The following HS3ST4 variants were observed in gnomAD, a reference collection of about 807,000 sequenced individuals.
The protein encoded by HS3ST4 is heparan sulfate-glucosamine 3-sulfotransferase 4, also known as heparan sulfate glucosamine 3-O-sulfotransferase 4.
A neutral mutation model predicts 29.2 loss-of-function variants in HS3ST4; 17 were observed. That is an observed-to-expected ratio of 0.58 (90% confidence interval 0.40 to 0.87). The LOEUF is 0.87. Among genes scored for constraint, HS3ST4 ranks in the 40% least tolerant of loss-of-function variants. The pLI is 0.00. For missense variants in HS3ST4, 627 were observed against 634.5 expected, an observed-to-expected ratio of 0.99 and a Z score of 0.13; for synonymous variants, 314 against 285.7, an observed-to-expected ratio of 1.10 and a Z score of -1.00.
Position 25,827,522 on chromosome 16 carries a change from T to A in HS3ST4, c.734+134371T>A, listed in dbSNP as rs144707141. On this transcript the variant is annotated intron_variant, in intron 1 of 1. Coordinates refer to ENST00000331351, the MANE Select transcript of HS3ST4 (RefSeq NM_006040.3). Reference sequence around the variant, plus strand: ...ATTGTCAATGTAATAAACAGAATAATGCTGTCTTCACAAAAAAAAAAAAAA... The same window carrying A: ...ATTGTCAATGTAATAAACAGAATAAAGCTGTCTTCACAAAAAAAAAAAAAA... Among the ~76,000 whole-genome samples, 229 of 108,918 alleles carry A rather than the reference T, an allele frequency of 2.1e-3. 1 individual carries two copies. The highest frequency in any genetic ancestry group is 7.3e-3 in the African/African-American group (202 of 27,784). The allele number at this position is 108,918 out of a possible 152,430, so 71.5% of individuals were successfully genotyped here. A position where few individuals can be genotyped will look rare whatever the true frequency, so the allele number is the denominator to read the frequency against.
chr16:25,824,144 C>T (rs1225091520), intron 1 of HS3ST4, among the ~76,000 whole-genome samples: 4 of 152,220 alleles, frequency 2.6e-5, no homozygotes, highest in Admixed American at 6.5e-5. Context: ...GAGTCAGGTG[C>T]CCCTGAAGGG....
At chr16:25,840,165 G>C (rs1165088744) in intron 1 of HS3ST4, among the ~76,000 whole-genome samples, 1 of 152,158 alleles carries the variant, frequency 6.6e-6, no homozygotes, top group Non-Finnish European at 1.5e-5. Context: ...GTGCATGATT[G>C]GAGAGTGATA....
chr16:25,854,909 T>C (rs572869920), intron 1 of HS3ST4, among the ~76,000 whole-genome samples: 8 of 152,304 alleles, frequency 5.3e-5, no homozygotes, highest in Admixed American at 5.2e-4. Context: ...GGGCTGTCAG[T>C]TGGCCTGGGG....
intron 1 of HS3ST4, among the ~76,000 whole-genome samples, chr16:25,704,072 T>C (rs1027149280): frequency 6.6e-6 from 1 of 152,232 alleles, no homozygotes; most frequent in Admixed American, 6.5e-5. Flanking sequence ...AGATAGTAGA[T>C]GCTCAATGCA....
intron 1 of HS3ST4, among the ~76,000 whole-genome samples, chr16:26,051,690 C>A (rs540325112): frequency 6.6e-6 from 1 of 151,938 alleles, no homozygotes; most frequent in East Asian, 2.0e-4. Context: ...CTCATCTTCC[C>A]TCCCTCTCTT....
At chr16:26,098,914 C>T (rs140110860) in intron 1 of HS3ST4, among the ~76,000 whole-genome samples, 171 of 152,048 alleles carry the variant, frequency 1.1e-3, no homozygotes, top group African/African-American at 3.8e-3. Flanking sequence ...AGGCAACCTG[C>T]GGATACGGTT....
In HS3ST4 at chr16:25,692,549, T is replaced by C; in HGVS notation, c.132T>C (p.Ser44=). The C allele has an allele frequency of 6.9e-7, 1 of 1,451,228 alleles. No individual in the cohort carries two copies. The highest frequency in any genetic ancestry group is 1.3e-5 in the South Asian group (1 of 77,806). 89.9% of individuals were successfully genotyped at this position (1,451,228 alleles called of 1,614,324 possible). A position where few individuals can be genotyped will look rare whatever the true frequency, so the allele number is the denominator to read the frequency against. ...TTTTTATGTGCACCTTGTCCCTGTC[T>C]GTCACCTACCTGTGCTACAGCCTCC... ...KLLFMCTLSL[S]VTYLCYSLLG... The change falls in exon 1 of 2, where the codon TCT becomes TCC. Residue 44 remains serine (S), a synonymous_variant. Coordinates refer to ENST00000331351, the MANE Select transcript of HS3ST4 (RefSeq NM_006040.3).
At chr16:26,020,027 G>A (rs998626616) in intron 1 of HS3ST4, among the ~76,000 whole-genome samples, 5 of 152,152 alleles carry the variant, frequency 3.3e-5, no homozygotes, top group African/African-American at 1.2e-4. Context: ...TAACAGCTGT[G>A]TGGTTTCTGT....
At chr16:25,931,695 A>T (rs893921175) in intron 1 of HS3ST4, among the ~76,000 whole-genome samples, 1 of 152,260 alleles carries the variant, frequency 6.6e-6, no homozygotes, top group African/African-American at 2.4e-5. Flanking sequence ...CTATGCAGAT[A>T]GATTCTGTTT....
intron 1 of HS3ST4, among the ~76,000 whole-genome samples, chr16:25,701,399 A>T (rs1028449371): frequency 6.6e-6 from 1 of 152,120 alleles, no homozygotes. Context: ...AGGGTTCTCT[A>T]TTCTTTACGG....
chr16:25,715,674 G>A (rs1480041807), intron 1 of HS3ST4, among the ~76,000 whole-genome samples: 2 of 152,344 alleles, frequency 1.3e-5, no homozygotes, highest in East Asian at 1.9e-4. Flanking sequence ...AAACTTTTCC[G>A]AAGTGAATTG....
At chr16:26,123,133 T>C (rs925501422) in intron 1 of HS3ST4, among the ~76,000 whole-genome samples, 1 of 152,030 alleles carries the variant, frequency 6.6e-6, no homozygotes, top group Non-Finnish European at 1.5e-5. Context: ...GTACCTACTA[T>C]GTGCACCACA....
chr16:26,070,093 A>G (rs1898585095), intron 1 of HS3ST4, among the ~76,000 whole-genome samples: 2 of 152,132 alleles, frequency 1.3e-5, no homozygotes, highest in Admixed American at 6.6e-5. Flanking sequence ...GGCTGGGTCA[A>G]ATGGTATTTC....
chr16:25,962,339 A>T (rs1968802903), intron 1 of HS3ST4, among the ~76,000 whole-genome samples: 2 of 152,202 alleles, frequency 1.3e-5, no homozygotes, highest in Admixed American at 1.3e-4. Flanking sequence ...AAAAAGAAAG[A>T]ATATAAATTC....
At chr16:25,916,222 C>G (rs972824272) in intron 1 of HS3ST4, among the ~76,000 whole-genome samples, 1 of 152,184 alleles carries the variant, frequency 6.6e-6, no homozygotes, top group African/African-American at 2.4e-5. Context: ...GGCTCCAGAG[C>G]TCAGGTTATT....
At chr16:25,885,932 T>C (rs1037243781) in intron 1 of HS3ST4, among the ~76,000 whole-genome samples, 1 of 150,578 alleles carries the variant, frequency 6.6e-6, no homozygotes. Context: ...AGTTAGGTGC[T>C]AAAGACCAAG....
chr16:25,827,980 T>TC (rs1967237278), intron 1 of HS3ST4, among the ~76,000 whole-genome samples: 2 of 152,198 alleles, frequency 1.3e-5, no homozygotes, highest in East Asian at 3.9e-4. Flanking sequence ...AGAGGAGGTT[T>TC]CTTTTTTTTT....
intron 1 of HS3ST4, among the ~76,000 whole-genome samples, chr16:25,735,375 C>T (rs1205110521): frequency 6.6e-6 from 1 of 151,978 alleles, no homozygotes; most frequent in Non-Finnish European, 1.5e-5. Context: ...ACTCTGTTCT[C>T]ATGTGTACTT....
intron 1 of HS3ST4, among the ~76,000 whole-genome samples, chr16:25,813,725 C>T (rs1215990071): frequency 6.6e-6 from 1 of 152,148 alleles, no homozygotes. Context: ...AAATTCCACT[C>T]CTAGATATTT....
Sources: allele counts gnomAD v4.1 joint callset (sites outside exome capture counted in the v4.1 genomes callset), GRCh38; gene constraint gnomAD v4.1.1; transcripts MANE v1.5; gene names NCBI Gene and HGNC (gene_info 2026-07-23, HGNC 2026-07-21).